EBF1: variants seen among roughly 807,000 people sequenced by gnomAD.
The protein encoded by EBF1 is transcription factor COE1.
In EBF1, 10 loss-of-function variants were observed where a neutral mutation model predicts 68.4. That is an observed-to-expected ratio of 0.15 (90% confidence interval 0.09 to 0.25). EBF1 has a LOEUF of 0.25. Among genes scored for constraint, EBF1 ranks in the 10% least tolerant of loss-of-function variants. The pLI, the probability that EBF1 is intolerant of heterozygous loss-of-function variation, is 1.00. For synonymous variants in EBF1, 298 were observed against 299.8 expected, an observed-to-expected ratio of 0.99 and a Z score of 0.06; for missense variants, 509 against 794.4, an observed-to-expected ratio of 0.64 and a Z score of 4.32.
chr5:158,788,040 G>A (rs1417995134), intron 9 of EBF1, among the ~76,000 whole-genome samples: 1 of 152,132 alleles, frequency 6.6e-6, no homozygotes, highest in Non-Finnish European at 1.5e-5. Flanking sequence ...ATGAATGAAT[G>A]AAAGGGGAAA....
intron 6 of EBF1, among the ~76,000 whole-genome samples, chr5:158,996,168 A>G (rs1761380959): frequency 6.6e-6 from 1 of 152,222 alleles, no homozygotes; most frequent in Non-Finnish European, 1.5e-5. Flanking sequence ...TTCTTTTATT[A>G]GAGAAATCTG....
At chr5:159,030,305 A>G (rs1768517917) in intron 6 of EBF1, among the ~76,000 whole-genome samples, 2 of 151,956 alleles carry the variant, frequency 1.3e-5, no homozygotes, top group East Asian at 3.8e-4. Flanking sequence ...TACTTTTCTA[A>G]CCTTTTTTTA....
intron 5 of EBF1, among the ~76,000 whole-genome samples, chr5:159,077,369 A>G (rs1337440372): frequency 6.6e-6 from 1 of 152,146 alleles, no homozygotes; most frequent in Non-Finnish European, 1.5e-5. Context: ...AACCCGGGAA[A>G]CGGAGGTTAC....
At chr5:159,091,856 C>G (rs1416119098) in intron 4 of EBF1, among the ~76,000 whole-genome samples, 1 of 152,206 alleles carries the variant, frequency 6.6e-6, no homozygotes, top group Non-Finnish European at 1.5e-5. Flanking sequence ...CATCTACTTT[C>G]AAATCCATAC....
chr5:158,828,641 A>G (rs984024156), intron 7 of EBF1, among the ~76,000 whole-genome samples: 5 of 152,256 alleles, frequency 3.3e-5, no homozygotes, highest in African/African-American at 1.2e-4. Context: ...TCTGGTTGTC[A>G]TATTGTAAAA....
Position 158,825,972 on chromosome 5 carries a change from T to C in EBF1, c.637-2655A>G, listed in dbSNP as rs1368295. Among the ~76,000 whole-genome samples, 882 of 150,578 alleles carry C rather than the reference T, an allele frequency of 5.9e-3. 14 individuals carry two copies. Among genetic ancestry groups the C allele is most frequent in the African/African-American group, 0.021 (845 of 41,100 alleles). ...ATGCAAAAGGGGTACTGAAGTGTCC[T>C]TTAAAAATAGGCCCATGGTAGGAGG... is the stretch of plus-strand genomic sequence containing the variant. On this transcript the variant is annotated intron_variant, in intron 7 of 15. Transcript: ENST00000313708.
chr5:158,852,919 A>G (rs1370949904), intron 6 of EBF1, among the ~76,000 whole-genome samples: 1 of 152,272 alleles, frequency 6.6e-6, no homozygotes, highest in Non-Finnish European at 1.5e-5. Flanking sequence ...ATTCTGAAAA[A>G]AGCTTTCATT....
intron 6 of EBF1, among the ~76,000 whole-genome samples, chr5:158,987,693 C>T (rs1197248090): frequency 2.6e-5 from 4 of 152,032 alleles, no homozygotes; most frequent in Non-Finnish European, 1.5e-5. Flanking sequence ...TCCGTGGGTG[C>T]CTAGACATTT....
At chr5:158,968,663 A>G (rs1754679125) in intron 6 of EBF1, among the ~76,000 whole-genome samples, 10 of 152,236 alleles carry the variant, frequency 6.6e-5, no homozygotes, top group Admixed American at 6.5e-4. Context: ...ATACCACTGA[A>G]AAAGAGAAGG....
At chr5:158,744,940 A>G (rs1198347112) in intron 10 of EBF1, among the ~76,000 whole-genome samples, 4 of 152,176 alleles carry the variant, frequency 2.6e-5, no homozygotes, top group Admixed American at 6.5e-5. Flanking sequence ...GTCTTTTAAG[A>G]AGTGGATTGA....
At chr5:158,778,839 A>G (rs1395831612) in intron 9 of EBF1, among the ~76,000 whole-genome samples, 3 of 152,204 alleles carry the variant, frequency 2.0e-5, no homozygotes, top group Non-Finnish European at 4.4e-5. Context: ...TGTAATATAA[A>G]AAAGCCCTAA....
chr5:158,700,115 G>A lies in EBF1; in HGVS notation c.1745-973C>T, dbSNP rs142334987. On this transcript the variant is annotated intron_variant, in intron 15 of 15. Coordinates refer to ENST00000313708, the MANE Select transcript of EBF1 (RefSeq NM_024007.5). ...AGTGAGGACCTGATAGACGTTAGCT[G>A]CTGGGATTTTTAACCCATCACTTCT... 2.0e-5 allele frequency among the ~76,000 whole-genome samples: 3 copies of A among 152,310 alleles called. No homozygotes were observed. The East Asian group carries it at 5.8e-4, about 29-fold the overall frequency.
chr5:159,050,569 T>A lies in EBF1; in HGVS notation c.554+22827A>T, dbSNP rs139559366. Among the ~76,000 whole-genome samples, 226 of 152,292 alleles carry A rather than the reference T, an allele frequency of 1.5e-3. 1 individual carries two copies. Among genetic ancestry groups the A allele is most frequent in the African/African-American group, 5.2e-3 (218 of 41,556 alleles). On this transcript the variant is annotated intron_variant, in intron 6 of 15. Transcript: ENST00000313708. ...TCCAGCTCCCCTGGGCCCCTGAGTC[T>A]CAGTCATAGCTCTCAGAACTTTGGT...
At chr5:158,943,051 TGGGAGGGAGGGA>T (rs1218854972) in intron 6 of EBF1, among the ~76,000 whole-genome samples, 2 of 18,134 alleles carry the variant, frequency 1.1e-4, no homozygotes, top group African/African-American at 2.3e-4. Flanking sequence ...GGGAGGGAAG[TGGGAGGGAGGGA>T]GGGAGGGAGG....
At chr5:159,040,280 TA>T (rs1770924660) in intron 6 of EBF1, among the ~76,000 whole-genome samples, 1 of 152,146 alleles carries the variant, frequency 6.6e-6, no homozygotes. Flanking sequence ...CTTAAATATT[TA>T]ATAAATGATT....
intron 7 of EBF1, among the ~76,000 whole-genome samples, chr5:158,831,307 C>T (rs974107911): frequency 6.6e-6 from 1 of 152,108 alleles, no homozygotes; most frequent in Non-Finnish European, 1.5e-5. Context: ...GTCAGATGAT[C>T]CTGAATTTGA....
chr5:159,019,447 A>C (rs1158382063), intron 6 of EBF1, among the ~76,000 whole-genome samples: 1 of 152,246 alleles, frequency 6.6e-6, no homozygotes, highest in African/African-American at 2.4e-5. Context: ...ATAAGTAATA[A>C]TTTATGAAAA....
intron 6 of EBF1, among the ~76,000 whole-genome samples, chr5:158,950,991 A>C (rs1048339497): frequency 1.3e-5 from 2 of 152,182 alleles, no homozygotes; most frequent in Non-Finnish European, 2.9e-5. Context: ...ATTTCTATAT[A>C]AATCTCCCAA....
intron 6 of EBF1, among the ~76,000 whole-genome samples, chr5:158,896,956 G>A (rs1178622192): frequency 6.6e-6 from 1 of 152,100 alleles, no homozygotes; most frequent in Admixed American, 6.6e-5. Context: ...TAGTAATGGA[G>A]GTAGAATTTG....
Sources: gnomAD v4.1 joint callset for allele counts (sites outside exome capture counted in the v4.1 genomes callset) on GRCh38, gnomAD v4.1.1 for gene constraint, MANE v1.5 for transcripts, NCBI Gene and HGNC (gene_info 2026-07-23, HGNC 2026-07-21) for gene names.